GALNT18: variants seen among roughly 807,000 people sequenced by gnomAD.
GALNT18 encodes the protein GalNAc-transferase 18.
GALNT18 carries 44 observed loss-of-function variants against 69.5 expected under a neutral mutation model. The observed-to-expected ratio is 0.63, with a 90% CI of 0.50 to 0.81. The LOEUF is 0.81. GALNT18 is among the 40% of genes least tolerant of loss of function. The pLI, the probability that GALNT18 is intolerant of heterozygous loss-of-function variation, is 0.00. For synonymous variants in GALNT18, 364 were observed against 318.2 expected (o/e 1.14, Z -1.53); for missense variants, 715 against 810.0 (o/e 0.88, Z 1.42).
chr11:11,328,844 C>G (rs1022671673), intron 8 of GALNT18, among the ~76,000 whole-genome samples: 3 of 152,310 alleles, frequency 2.0e-5, no homozygotes, highest in Admixed American at 6.5e-5. Flanking sequence ...CTAGGAAAAT[C>G]TGCTAACTGC....
chr11:11,501,573 T>A (rs1472829769), intron 1 of GALNT18, among the ~76,000 whole-genome samples: 2 of 152,138 alleles, frequency 1.3e-5, no homozygotes, highest in African/African-American at 2.4e-5. Flanking sequence ...TAATGTGTCT[T>A]CCCTAGAGAT....
chr11:11,572,226 C>T (rs548032367), intron 1 of GALNT18, among the ~76,000 whole-genome samples: 47 of 152,330 alleles, frequency 3.1e-4, no homozygotes, highest in Non-Finnish European at 5.3e-4. Flanking sequence ...TCCTTGACCA[C>T]GTAACCACTC....
In GALNT18 at chr11:11,573,583, G is replaced by A. The variant is rs1056871463; in HGVS notation, c.235+47776C>T. The A allele has an allele frequency of 2.0e-5, 3 of 152,224 alleles. No individual in the cohort carries two copies. The highest frequency in any genetic ancestry group is 4.4e-5 in the Non-Finnish European group (3 of 68,060). The allele number at this position is 152,224 out of a possible 1,614,324, so 9.4% of individuals were successfully genotyped here. ...ATAGCAGGAGCCTTGATCCACCCAG[G>A]AAGAGGTGCCAGCTGGATCAGCAAG... On this transcript the variant is annotated intron_variant, in intron 1 of 10. Coordinates refer to ENST00000227756, the MANE Select transcript of GALNT18 (RefSeq NM_198516.3). The surrounding 1 kb of genome is among the most constrained non-coding windows in gnomAD (Gnocchi z 4.6).
intron 6 of GALNT18, among the ~76,000 whole-genome samples, chr11:11,351,674 T>C (rs1364848088): frequency 6.6e-6 from 1 of 152,042 alleles, no homozygotes; most frequent in African/African-American, 2.4e-5. Flanking sequence ...TGTTTTGAAA[T>C]AGGATCTCTG....
At position 11,356,914 on chromosome 11, in the gene GALNT18, T is replaced by A. The variant is rs915531287; in HGVS notation, c.1092+15601A>T. Among the ~76,000 whole-genome samples the A allele has an allele frequency of 1.5e-4, 23 of 152,144 alleles. No individual in the cohort carries two copies. Among genetic ancestry groups the A allele is most frequent in the Admixed American group, 3.9e-4 (6 of 15,276 alleles). On this transcript the variant is annotated intron_variant, in intron 6 of 10. Coordinates refer to ENST00000227756, the MANE Select transcript of GALNT18 (RefSeq NM_198516.3). This position sits in a 1 kb window ranked among gnomAD's most constrained non-coding sequence, Gnocchi z 4.4. The stretch of plus-strand genomic sequence containing the variant: ...AACCATAAAACTTTTACAACGTACT[T>A]TTAAACTGCGTCTACTCAGCTGCTG...
At chr11:11,368,580 T>C (rs1454855822) in intron 6 of GALNT18, among the ~76,000 whole-genome samples, 1 of 152,176 alleles carries the variant, frequency 6.6e-6, no homozygotes. Flanking sequence ...TTTAGATCTA[T>C]TTTCCAGTTT....
chr11:11,610,497 T>C (rs1363904300), intron 1 of GALNT18, among the ~76,000 whole-genome samples: 3 of 152,202 alleles, frequency 2.0e-5, no homozygotes, highest in Non-Finnish European at 4.4e-5. Flanking sequence ...TCCCATTTCT[T>C]CTCCAGATGA....
At chr11:11,362,819 C>A (rs1330482777) in intron 6 of GALNT18, among the ~76,000 whole-genome samples, 1 of 152,108 alleles carries the variant, frequency 6.6e-6, no homozygotes, top group Non-Finnish European at 1.5e-5. Context: ...TACCCTTTGA[C>A]TTCGCAATTC....
At chr11:11,420,155 C>A (rs959637214) in intron 3 of GALNT18, among the ~76,000 whole-genome samples, 1 of 151,990 alleles carries the variant, frequency 6.6e-6, no homozygotes, top group African/African-American at 2.4e-5. Flanking sequence ...AAACAAACCT[C>A]CCTCACCAAA....
At position 11,454,731 on chromosome 11, in the gene GALNT18, C is replaced by A. The variant is rs542809363; in HGVS notation, c.236-5795G>T. Among the ~76,000 whole-genome samples the A allele has an allele frequency of 1.3e-3, 197 of 152,192 alleles. 2 individuals carry two copies. The highest frequency in any genetic ancestry group is 1.9e-4 in the Non-Finnish European group (13 of 68,014). On this transcript the variant is annotated intron_variant, in intron 1 of 10. Coordinates refer to ENST00000227756, the MANE Select transcript of GALNT18 (RefSeq NM_198516.3). The surrounding 1 kb of genome is among the most constrained non-coding windows in gnomAD (Gnocchi z 4.2). The stretch of plus-strand genomic sequence containing the variant: ...AGAGAGTCAGGCCAGGAGTGCTCTT[C>A]CTTCCTTGAAACCCAGCCTGCGGTG...
At chr11:11,294,615 A>G (rs200901228) in intron 9 of GALNT18, among the ~76,000 whole-genome samples, 8,200 of 151,922 alleles carry the variant, frequency 0.054, 300 homozygotes, top group Middle Eastern at 0.16. Context: ...CCCAGAAAAA[A>G]AAAAAAAAAA....
Position 11,598,387 on chromosome 11 carries a change from G to T in GALNT18, c.235+22972C>A, listed in dbSNP as rs1320665814. ...CTATACTTCTTTGCAGGCTCTAGAG[G>T]AGAATCTGTTCCTTGCTTCTTCCAG... On this transcript the variant is annotated intron_variant, in intron 1 of 10. Coordinates refer to ENST00000227756, the MANE Select transcript of GALNT18 (RefSeq NM_198516.3). The surrounding 1 kb of genome is among the most constrained non-coding windows in gnomAD (Gnocchi z 4.8). 6.6e-6 allele frequency among the ~76,000 whole-genome samples: 1 copy of T among 152,172 alleles called. No individual in the cohort carries two copies.
chr11:11,271,330 G>T, intron 10 of GALNT18, 40 bp from the exon 11 acceptor site: 2 of 1,592,180 alleles, frequency 1.3e-6, no homozygotes, highest in Non-Finnish European at 1.7e-6. Context: ...AGGGCATAGA[G>T]GCAACATGCA....
intron 1 of GALNT18, among the ~76,000 whole-genome samples, chr11:11,554,557 C>G (rs1057448020): frequency 2.6e-5 from 4 of 152,148 alleles, no homozygotes; most frequent in African/African-American, 9.7e-5. Context: ...GTTAACCAGG[C>G]TTTCTTACTA....
rs1036677785 is a variant in GALNT18 at position 11,368,793 on chromosome 11, G to T, written c.1092+3722C>A. On this transcript the variant is annotated intron_variant, in intron 6 of 10. Coordinates refer to ENST00000227756, the MANE Select transcript of GALNT18 (RefSeq NM_198516.3). ...ATAACCTACTTTATATTCCGTGTCT[G>T]ATGGATTCAACAGCTGGAGACTTTG... 2.0e-5 allele frequency among the ~76,000 whole-genome samples: 3 copies of T among 152,104 alleles called. No individual in the cohort carries two copies. The South Asian group carries it at 6.2e-4, about 31-fold the overall frequency.
chr11:11,510,815 T>C (rs1045479681), intron 1 of GALNT18, among the ~76,000 whole-genome samples: 1 of 152,160 alleles, frequency 6.6e-6, no homozygotes, highest in African/African-American at 2.4e-5. Context: ...CATTGCAACA[T>C]CATTTCAAAG....
chr11:11,420,098 G>A (rs1024476577), intron 3 of GALNT18, among the ~76,000 whole-genome samples: 1 of 151,886 alleles, frequency 6.6e-6, no homozygotes, highest in Non-Finnish European at 1.5e-5. Context: ...TCTCCTGAGA[G>A]TCGATTAGGA....
At position 11,436,669 on chromosome 11, in the gene GALNT18, C is replaced by T. The variant is rs1855410387; in HGVS notation, c.429-3882G>A. 6.6e-6 allele frequency among the ~76,000 whole-genome samples: 1 copy of T among 152,216 alleles called. No homozygotes were observed. Among genetic ancestry groups the T allele is most frequent in the Non-Finnish European group, 1.5e-5 (1 of 68,044 alleles). ...TGTAGTTCGTATCTTCACCTCAACA[C>T]TGAAGCAGAATGTACATTGCTGAAG... On this transcript the variant is annotated intron_variant, in intron 2 of 10. Transcript: ENST00000227756. This position sits in a 1 kb window ranked among gnomAD's most constrained non-coding sequence, Gnocchi z 4.5.
Position 11,543,784 on chromosome 11 carries a change from C to T in GALNT18, c.235+77575G>A, listed in dbSNP as rs1857980159. Among the ~76,000 whole-genome samples the T allele has an allele frequency of 6.6e-6, 1 of 152,308 alleles. No individual in the cohort carries two copies. The highest frequency in any genetic ancestry group is 2.4e-5 in the African/African-American group (1 of 41,574). ...TGGCTCTGTGATGTGACTGGGGCCC[C>T]GAATGTGCCACGGTGGGTGGGTGTG... On this transcript the variant is annotated intron_variant, in intron 1 of 10. Transcript: ENST00000227756. This position sits in a 1 kb window ranked among gnomAD's most constrained non-coding sequence, Gnocchi z 5.1.
Sources: gnomAD v4.1 joint callset for allele counts (sites outside exome capture counted in the v4.1 genomes callset) on GRCh38, gnomAD v4.1.1 for gene constraint, Gnocchi (gnomAD v3.1) non-coding constraint, MANE v1.5 for transcripts, NCBI Gene and HGNC (gene_info 2026-07-23, HGNC 2026-07-21) for gene names.